The following ROBO1 variants were observed in gnomAD, a reference collection of about 807,000 sequenced individuals.
ROBO1 encodes the protein roundabout homolog 1.
ROBO1 carries 149 observed loss-of-function variants against 195.9 expected under a neutral mutation model. The observed-to-expected ratio is 0.76, with a 90% CI of 0.67 to 0.87. The LOEUF (loss-of-function observed/expected upper bound fraction) is 0.87. ROBO1 is among the 40% of genes least tolerant of loss of function. ROBO1 has a pLI of 0.00. For missense variants in ROBO1, 1,933 were observed against 2,068.3 expected (o/e 0.93, Z 1.27); for synonymous variants, 816 against 733.2 (o/e 1.11, Z -1.82).
chr3:78,749,193 A>C (rs2082729609), intron 4 of ROBO1, among the ~76,000 whole-genome samples: 1 of 152,146 alleles, frequency 6.6e-6, no homozygotes, highest in South Asian at 2.1e-4. Context: ...GAAACACCCA[A>C]AAGTAAAATA....
intron 2 of ROBO1, among the ~76,000 whole-genome samples, chr3:79,401,460 A>T (rs548589217): frequency 1.3e-5 from 2 of 152,032 alleles, no homozygotes; most frequent in South Asian, 4.1e-4. Context: ...CATGAATAAT[A>T]TTTAATAATA....
intron 4 of ROBO1, among the ~76,000 whole-genome samples, chr3:78,932,175 G>C (rs757186340): frequency 6.6e-6 from 1 of 152,108 alleles, no homozygotes; most frequent in Non-Finnish European, 1.5e-5. Flanking sequence ...GGATTAAAAA[G>C]AGTGATCTGA....
chr3:79,026,256 T>C (rs1280838940), intron 3 of ROBO1, among the ~76,000 whole-genome samples: 2 of 152,088 alleles, frequency 1.3e-5, no homozygotes, highest in Non-Finnish European at 2.9e-5. Flanking sequence ...AAAATATTAT[T>C]CGGTCAATTA....
At chr3:79,315,429 G>A (rs909905583) in intron 2 of ROBO1, among the ~76,000 whole-genome samples, 1 of 152,178 alleles carries the variant, frequency 6.6e-6, no homozygotes, top group Non-Finnish European at 1.5e-5. Context: ...AAACAAATTA[G>A]AATAGAAGAA....
At chr3:78,816,280 A>G (rs906483120) in intron 4 of ROBO1, among the ~76,000 whole-genome samples, 1 of 152,194 alleles carries the variant, frequency 6.6e-6, no homozygotes, top group African/African-American at 2.4e-5. Context: ...ATGGTTTACT[A>G]TTATGGGCCC....
At chr3:79,625,321 C>T (rs1157600418) in intron 1 of ROBO1, among the ~76,000 whole-genome samples, 1 of 148,008 alleles carries the variant, frequency 6.8e-6, no homozygotes, top group Non-Finnish European at 1.5e-5. Context: ...AATCCAAAAG[C>T]TAGCAGAAGA....
At chr3:79,341,190 C>G (rs886325452) in intron 2 of ROBO1, among the ~76,000 whole-genome samples, 2 of 152,132 alleles carry the variant, frequency 1.3e-5, no homozygotes, top group Non-Finnish European at 2.9e-5. Context: ...ATGCTTATAG[C>G]ATGTCATTCA....
At chr3:79,122,053 A>G (rs780833174) in intron 3 of ROBO1, among the ~76,000 whole-genome samples, 1 of 152,040 alleles carries the variant, frequency 6.6e-6, no homozygotes, top group Non-Finnish European at 1.5e-5. Context: ...GTGAAACACT[A>G]TATGCACTTC....
At chr3:79,188,853 A>G (rs1459780937) in intron 2 of ROBO1, among the ~76,000 whole-genome samples, 2 of 151,792 alleles carry the variant, frequency 1.3e-5, no homozygotes, top group African/African-American at 4.8e-5. Flanking sequence ...CGTAATATTC[A>G]AGGTAATGGT....
chr3:78,662,214 AAAG>A, intron 14 of ROBO1, 100 bp from the exon 15 acceptor site: 1 of 1,099,028 alleles, frequency 9.1e-7, no homozygotes, highest in East Asian at 2.7e-5. Context: ...AACTCTCAGT[AAAG>A]AAGAGTCCAA....
intron 29 of ROBO1, among the ~76,000 whole-genome samples, chr3:78,600,712 G>A (rs1703123500): frequency 6.6e-6 from 1 of 152,120 alleles, no homozygotes; most frequent in Non-Finnish European, 1.5e-5. Context: ...TATACCTAGA[G>A]GGTTTCTGTC....
intron 4 of ROBO1, among the ~76,000 whole-genome samples, chr3:78,854,280 A>G (rs1252077712): frequency 6.8e-6 from 1 of 147,768 alleles, no homozygotes; most frequent in African/African-American, 2.5e-5. Flanking sequence ...CATAATCAAT[A>G]TGATGTATTA....
intron 3 of ROBO1, among the ~76,000 whole-genome samples, chr3:79,001,976 A>G (rs2077515815): frequency 6.6e-6 from 1 of 152,174 alleles, no homozygotes; most frequent in Non-Finnish European, 1.5e-5. Flanking sequence ...ATTTCATTCA[A>G]TCAACAAACA....
At chr3:79,402,476 A>G (rs1575777220) in intron 2 of ROBO1, among the ~76,000 whole-genome samples, 1 of 152,106 alleles carries the variant, frequency 6.6e-6, no homozygotes, top group Non-Finnish European at 1.5e-5. Flanking sequence ...ATAAAGAGGC[A>G]TTTTGAGGGG....
chr3:79,695,245 CT>C (rs1947409673), intron 1 of ROBO1, among the ~76,000 whole-genome samples: 1 of 151,332 alleles, frequency 6.6e-6, no homozygotes, highest in Non-Finnish European at 1.5e-5. Flanking sequence ...AAAAGACAAG[CT>C]TTTTAATTAT....
At chr3:79,200,421 A>G (rs1275933115) in intron 2 of ROBO1, among the ~76,000 whole-genome samples, 1 of 151,894 alleles carries the variant, frequency 6.6e-6, no homozygotes, top group African/African-American at 2.4e-5. Flanking sequence ...ATTAAAAAAT[A>G]TACATATATT....
chr3:79,085,552 G>A lies in ROBO1; in HGVS notation c.172+39904C>T, dbSNP rs147073921. Among the ~76,000 whole-genome samples, 12 of 152,254 alleles carry A rather than the reference G, an allele frequency of 7.9e-5. No homozygotes were observed. The East Asian group carries it at 2.1e-3, about 27-fold the overall frequency. ...CTGGGCAAGTAGAATCAAAATGAGA[G>A]AACAGGGAGGAGCTCCTGATAAAGT... On this transcript the variant is annotated intron_variant, in intron 3 of 30. Transcript: ENST00000464233.
At chr3:79,617,685 A>G (rs1005582089) in intron 1 of ROBO1, among the ~76,000 whole-genome samples, 1 of 152,046 alleles carries the variant, frequency 6.6e-6, no homozygotes, top group Non-Finnish European at 1.5e-5. Flanking sequence ...AAAGGATCAC[A>G]CTCTCTCTAG....
chr3:79,375,572 C>T (rs765217353), intron 2 of ROBO1, among the ~76,000 whole-genome samples: 2 of 152,132 alleles, frequency 1.3e-5, no homozygotes, highest in African/African-American at 2.4e-5. Flanking sequence ...CAGATAAATT[C>T]GATGCTTCTC....
Sources: gnomAD v4.1 joint callset for allele counts (sites outside exome capture counted in the v4.1 genomes callset) on GRCh38, gnomAD v4.1.1 for gene constraint, MANE v1.5 for transcripts, NCBI Gene and HGNC (gene_info 2026-07-23, HGNC 2026-07-21) for gene names.